Variants in PDE1B observed in about 807,000 individuals in gnomAD.
PDE1B encodes dual specificity calcium/calmodulin-dependent 3',5'-cyclic nucleotide phosphodiesterase 1B.
PDE1B carries 13 observed loss-of-function variants against 66.7 expected under a neutral mutation model. The observed-to-expected ratio is 0.19, with a 90% CI of 0.13 to 0.31. The LOEUF is 0.31. PDE1B is among the 10% of genes least tolerant of loss of function. The pLI is 1.00. For missense variants in PDE1B, 485 were observed against 682.3 expected, an observed-to-expected ratio of 0.71 and a Z score of 3.22; for synonymous variants, 230 against 253.9, an observed-to-expected ratio of 0.91 and a Z score of 0.90.
At chr12:54,566,894 ATG>A in intron 2 of PDE1B, 78 bp from the exon 3 acceptor site, 1 of 602,836 alleles carries the variant, frequency 1.7e-6, no homozygotes, top group South Asian at 2.2e-5. Flanking sequence ...TTTCTGTAAA[ATG>A]TACCTTATTA....
Position 54,579,196 on chromosome 12 carries a change from A to T in PDE1B, c.*1354A>T. On this transcript the variant is annotated 3_prime_UTR_variant, in exon 16 of 16. Transcript: ENST00000243052. The stretch of plus-strand genomic sequence containing the variant: ...GACTCACCCCTGCCCTTGGTTTCCC[A>T]GACCCCTGCTATAGCCAGAGAACAA... 1.0e-6 allele frequency: 1 copy of T among 970,762 alleles called. No individual in the cohort carries two copies. Among genetic ancestry groups the T allele is most frequent in the Non-Finnish European group, 1.2e-6 (1 of 816,738 alleles). The allele number at this position is 970,762 out of a possible 1,614,324, so 60.1% of individuals were successfully genotyped here.
Position 54,578,554 on chromosome 12 carries a change from G to T in PDE1B, c.*712G>T, listed in dbSNP as rs948340870. ...AAAGGAGCCATTGTGACCAGGGGCT[G>T]CGGGAGGCCTTTCCTGGGACCTTCC... On this transcript the variant is annotated 3_prime_UTR_variant, in exon 16 of 16. Coordinates refer to ENST00000243052, the MANE Select transcript of PDE1B (RefSeq NM_000924.4). 2.0e-5 allele frequency: 3 copies of T among 152,364 alleles called. No individual in the cohort carries two copies. The highest frequency in any genetic ancestry group is 7.2e-5 in the African/African-American group (3 of 41,444). The allele number at this position is 152,364 out of a possible 1,614,324, so 9.4% of individuals were successfully genotyped here.
Position 54,549,747 on chromosome 12 carries a change from G to T in PDE1B, c.-39G>T. 1 of 695,746 alleles carries T rather than the reference G, an allele frequency of 1.4e-6. No homozygotes were observed. Among genetic ancestry groups the T allele is most frequent in the South Asian group, 1.7e-5 (1 of 57,336 alleles). The allele number at this position is 695,746 out of a possible 1,614,324, so 43.1% of individuals were successfully genotyped here. A position where few individuals can be genotyped will look rare whatever the true frequency, so the allele number is the denominator to read the frequency against. ...GCTTGGGCCGAGCCTAGAGACACCG[G>T]CCTGGCTGGTCCACGCCAGCCGCAG... On this transcript the variant is annotated 5_prime_UTR_variant, in exon 1 of 16. Transcript: ENST00000243052.
In PDE1B at chr12:54,565,243, G is replaced by A. The variant is rs1957493787; in HGVS notation, c.114-1731G>A. On this transcript the variant is annotated intron_variant, in intron 2 of 15. Transcript: ENST00000243052. The stretch of plus-strand genomic sequence containing the variant: ...AGCAGAAGGCTGGGGTGGGAATCTG[G>A]GGGAGAGAGAGAACTATAGGCAGAA... 2.0e-5 allele frequency among the ~76,000 whole-genome samples: 3 copies of A among 152,194 alleles called. No homozygotes were observed. The South Asian group carries it at 6.2e-4, about 31-fold the overall frequency.
Position 54,575,104 on chromosome 12 carries a change from C to CA in PDE1B, c.1073dup (p.Pro359AlafsTer12). On this transcript the variant is annotated frameshift_variant, in exon 11 of 16. Coordinates refer to ENST00000243052, the MANE Select transcript of PDE1B (RefSeq NM_000924.4). LOFTEE classifies it high-confidence loss of function. This position sits in a 1 kb window ranked among gnomAD's most constrained non-coding sequence, Gnocchi z 4.0. ...TGCCATCTGCCCCAACCAGGATTGA[C>CA]AAGCCCAAGGCCCTGTCTCTACTGC... The CA allele has an allele frequency of 1.2e-6, 2 of 1,613,480 alleles. No homozygotes were observed. The highest frequency in any genetic ancestry group is 1.7e-6 in the Non-Finnish European group (2 of 1,179,654).
At chr12:54,577,622 C>T (rs551842368) in intron 15 of PDE1B, 36 of 1,421,314 alleles carry the variant, frequency 2.5e-5, no homozygotes, top group African/African-American at 4.3e-5. Flanking sequence ...TAACCTGCAC[C>T]GCACCTTAGG....
chr12:54,573,653 G>A lies in PDE1B; in HGVS notation c.1008G>A (p.Met336Ile). 3.7e-6 allele frequency: 6 copies of A among 1,614,152 alleles called. No homozygotes were observed. The highest frequency in any genetic ancestry group is 5.1e-6 in the Non-Finnish European group (6 of 1,180,040). The stretch of plus-strand genomic sequence containing the variant: ...TTGAGATGGTGTTGGCCACAGACAT[G>A]TCCTGCCATTTCCAGCAAGTGAAGA... The part of the protein sequence containing the change: ...LVIEMVLATD[M>I]SCHFQQVKTM... The change falls in exon 10 of 16, where the codon ATG (methionine) becomes ATA (isoleucine). Residue 336 changes from methionine to isoleucine, a missense_variant. Around this residue, in one of 4 missense-constraint regions of PDE1B, gnomAD observed 282 missense variants for 453.4 expected, o/e 0.62. Transcript: ENST00000243052. This position sits in a 1 kb window ranked among gnomAD's most constrained non-coding sequence, Gnocchi z 5.2.
rs1407317392 is a variant in PDE1B at position 54,569,691 on chromosome 12, C to T, written c.477+79C>T. 2.1e-6 allele frequency: 2 copies of T among 959,874 alleles called. No homozygotes were observed. The highest frequency in any genetic ancestry group is 2.0e-5 in the Admixed American group (1 of 49,384). 59.5% of individuals were successfully genotyped at this position (959,874 alleles called of 1,614,324 possible). The stretch of plus-strand genomic sequence containing the variant: ...TGGGACTTCTAGACCCTGTTTATGG[C>T]ATTATTTTTGCCTTCCTTTTTTTTT... On this transcript the variant is annotated intron_variant, in intron 5 of 15. Transcript: ENST00000243052. The surrounding 1 kb of genome is among the most constrained non-coding windows in gnomAD (Gnocchi z 4.4).
chr12:54,549,828 C>A, intron 1 of PDE1B, 32 bp from the exon 2 acceptor site: 2 of 1,467,944 alleles, frequency 1.4e-6, no homozygotes, highest in Admixed American at 1.7e-5. Context: ...TGAAGCTGAG[C>A]CGAGGTGCTG....
Position 54,573,760 on chromosome 12 carries a change from G to A in PDE1B, c.1064+51G>A. 1 of 1,320,522 alleles carries A rather than the reference G, an allele frequency of 7.6e-7. No individual in the cohort carries two copies. The highest frequency in any genetic ancestry group is 1.1e-6 in the Non-Finnish European group (1 of 914,616). The allele number at this position is 1,320,522 out of a possible 1,614,324, so 81.8% of individuals were successfully genotyped here. On this transcript the variant is annotated intron_variant, in intron 10 of 15. Coordinates refer to ENST00000243052, the MANE Select transcript of PDE1B (RefSeq NM_000924.4). The surrounding 1 kb of genome is among the most constrained non-coding windows in gnomAD (Gnocchi z 5.2). ...GGCCAGGCCAGAGGGAGGGGTGTGT[G>A]AACTGGGGGGGTATACACAAGGGTA...
At chr12:54,558,419 C>A (rs1331501071) in intron 2 of PDE1B, among the ~76,000 whole-genome samples, 7 of 152,030 alleles carry the variant, frequency 4.6e-5, no homozygotes, top group Non-Finnish European at 1.0e-4. Context: ...ACAGTGCCTC[C>A]CAGGATGGCA....
chr12:54,557,704 C>T (rs3782403), intron 2 of PDE1B, among the ~76,000 whole-genome samples: 68,119 of 152,012 alleles, frequency 0.45, 16,371 homozygotes, highest in East Asian at 0.65. Flanking sequence ...CCTTCAACAT[C>T]TGTTAGGCCC....
At chr12:54,572,459 A>G (rs1306348733) in intron 6 of PDE1B, 142 bp from the exon 7 acceptor site, 17 of 763,096 alleles carry the variant, frequency 2.2e-5, no homozygotes, top group Non-Finnish European at 3.6e-5. Flanking sequence ...GAGGCAGGAT[A>G]TGAGCCAGGT....
chr12:54,550,159 T>C (rs1957255198), intron 2 of PDE1B, 174 bp downstream of exon 2: 4 of 1,425,876 alleles, frequency 2.8e-6, no homozygotes, highest in Non-Finnish European at 3.7e-6. Context: ...GTGCAAGGCA[T>C]GTGCGGAGCA....
intron 15 of PDE1B, 93 bp from the exon 16 acceptor site, chr12:54,577,767 G>A (rs772604838): frequency 3.6e-5 from 16 of 450,626 alleles, no homozygotes; most frequent in East Asian, 1.4e-4. Flanking sequence ...AGCTCTACTC[G>A]GGACTGAGTG....
Position 54,570,480 on chromosome 12 carries a change from C to G in PDE1B, c.594+123C>G, listed in dbSNP as rs574698748. ...CACTCAGTCTCAACATCAGGGAAGT[C>G]TCCCCATGCCCACGCCCAGCCTAGC... On this transcript the variant is annotated intron_variant, in intron 6 of 15. Coordinates refer to ENST00000243052, the MANE Select transcript of PDE1B (RefSeq NM_000924.4). 4.3e-5 allele frequency: 30 copies of G among 695,024 alleles called. No homozygotes were observed. The East Asian group carries it at 6.7e-4, about 16-fold the overall frequency. The allele number at this position is 695,024 out of a possible 1,614,324, so 43.1% of individuals were successfully genotyped here. A position where few individuals can be genotyped will look rare whatever the true frequency, so the allele number is the denominator to read the frequency against.
chr12:54,549,606 G>A lies in PDE1B; in HGVS notation c.-180G>A, dbSNP rs1011252024. 23 of 355,468 alleles carry A rather than the reference G, an allele frequency of 6.5e-5. No homozygotes were observed. The highest frequency in any genetic ancestry group is 4.6e-4 in the African/African-American group (21 of 45,972). 22.0% of individuals were successfully genotyped at this position (355,468 alleles called of 1,614,324 possible). ...GGCGAGGAGGCGGCTCTGGCAGCGC[G>A]CGGCGGCGGCGGCGGTAGCGGCAGC... On this transcript the variant is annotated 5_prime_UTR_variant, in exon 1 of 16. Coordinates refer to ENST00000243052, the MANE Select transcript of PDE1B (RefSeq NM_000924.4).
rs575684841 is a variant in PDE1B at position 54,569,772 on chromosome 12, G to T, written c.477+160G>T. On this transcript the variant is annotated intron_variant, in intron 5 of 15. Coordinates refer to ENST00000243052, the MANE Select transcript of PDE1B (RefSeq NM_000924.4). The surrounding 1 kb of genome is among the most constrained non-coding windows in gnomAD (Gnocchi z 4.4). ...GGCTGGAGTGCAGTGGCGTGATCTC[G>T]TCTCACTGCAACCTCTGCCTCCCTG... Among the ~76,000 whole-genome samples the T allele has an allele frequency of 6.6e-6, 1 of 150,922 alleles. No homozygotes were observed. Among genetic ancestry groups the T allele is most frequent in the Admixed American group, 6.6e-5 (1 of 15,116 alleles).
intron 10 of PDE1B, chr12:54,574,864 A>G (rs188460369): frequency 5.1e-4 from 176 of 343,910 alleles, no homozygotes; most frequent in Non-Finnish European, 8.4e-4. Context: ...AGTCCCAGCT[A>G]TTCGGGAGGC....
Sources: gnomAD v4.1 joint callset for allele counts (sites outside exome capture counted in the v4.1 genomes callset) on GRCh38, gnomAD v4.1.1 for gene constraint, gnomAD v4.1.1 regional missense constraint, Gnocchi (gnomAD v3.1) non-coding constraint, MANE v1.5 for transcripts, NCBI Gene and HGNC (gene_info 2026-07-23, HGNC 2026-07-21) for gene names.